ADCYAP1R1: variants seen among roughly 807,000 people sequenced by gnomAD.
ADCYAP1R1 encodes the protein pituitary adenylate cyclase-activating polypeptide type I receptor.
In ADCYAP1R1, 44 loss-of-function variants were observed where a neutral mutation model predicts 67.6. The observed-to-expected ratio is 0.65, with a 90% CI of 0.51 to 0.84. The LOEUF (loss-of-function observed/expected upper bound fraction) is 0.84. ADCYAP1R1 is among the 40% of genes least tolerant of loss of function. The pLI, the probability that ADCYAP1R1 is intolerant of heterozygous loss-of-function variation, is 0.00. For missense variants in ADCYAP1R1, 477 were observed against 587.9 expected (o/e 0.81, Z 1.95); for synonymous variants, 222 against 219.6 (o/e 1.01, Z -0.10).
intron 1 of ADCYAP1R1, among the ~76,000 whole-genome samples, chr7:31,059,848 C>A (rs555220129): frequency 1.3e-5 from 2 of 151,784 alleles, no homozygotes; most frequent in South Asian, 4.2e-4. Context: ...CCCTGAGGTC[C>A]CCAGCGGAGT....
chr7:31,078,937 T>G (rs528999400), intron 4 of ADCYAP1R1, among the ~76,000 whole-genome samples: 20 of 152,248 alleles, frequency 1.3e-4, no homozygotes, highest in African/African-American at 4.6e-4. Flanking sequence ...TTGGGGCATA[T>G]CTGTGTTTGA....
At chr7:31,055,163 G>A (rs1172906128) in intron 1 of ADCYAP1R1, among the ~76,000 whole-genome samples, 1 of 152,182 alleles carries the variant, frequency 6.6e-6, no homozygotes, top group Non-Finnish European at 1.5e-5. Context: ...CTGCCAGAGA[G>A]CTGGGGCACA....
intron 1 of ADCYAP1R1, among the ~76,000 whole-genome samples, chr7:31,061,493 G>A (rs1033942515): frequency 6.6e-6 from 1 of 152,190 alleles, no homozygotes; most frequent in Non-Finnish European, 1.5e-5. Context: ...GGTGCCTCAG[G>A]GTGCCTAGAA....
chr7:31,104,189 C>T (rs1796548524), intron 14 of ADCYAP1R1, among the ~76,000 whole-genome samples: 1 of 152,048 alleles, frequency 6.6e-6, no homozygotes, highest in Non-Finnish European at 1.5e-5. Context: ...GAGTGAGAGC[C>T]CAGGGCTCTT....
chr7:31,094,042 G>A (rs1280472214), intron 13 of ADCYAP1R1, among the ~76,000 whole-genome samples: 1 of 152,124 alleles, frequency 6.6e-6, no homozygotes, highest in African/African-American at 2.4e-5. Context: ...CTTCCTCAGG[G>A]GTGGGGGACT....
chr7:31,062,378 G>A (rs955480725), intron 1 of ADCYAP1R1, among the ~76,000 whole-genome samples: 14 of 152,202 alleles, frequency 9.2e-5, no homozygotes, highest in African/African-American at 3.1e-4. Flanking sequence ...CGTGTTTTCC[G>A]TGTCATGGTT....
intron 5 of ADCYAP1R1, among the ~76,000 whole-genome samples, chr7:31,080,943 A>G (rs1326760980): frequency 1.3e-5 from 2 of 152,200 alleles, no homozygotes; most frequent in Admixed American, 6.5e-5. Flanking sequence ...AGCTGCATAT[A>G]TGTGCATATG....
intron 2 of ADCYAP1R1, 48 bp from the exon 3 acceptor site, chr7:31,064,783 G>A: frequency 6.7e-7 from 1 of 1,484,598 alleles, no homozygotes; most frequent in Non-Finnish European, 9.3e-7. Context: ...AGAGCTTACA[G>A]ATGGGCCTCC....
chr7:31,092,784 G>A, intron 13 of ADCYAP1R1, 49 bp downstream of exon 13: 1 of 1,452,312 alleles, frequency 6.9e-7, no homozygotes, highest in Non-Finnish European at 9.6e-7. Flanking sequence ...AGCCGAGCGG[G>A]CCCTGCATTC....
intron 3 of ADCYAP1R1, among the ~76,000 whole-genome samples, chr7:31,071,880 A>G (rs1253821666): frequency 6.6e-6 from 1 of 152,036 alleles, no homozygotes; most frequent in East Asian, 1.9e-4. Flanking sequence ...CATACCCCAG[A>G]CTAAGCTCTT....
chr7:31,073,915 T>A (rs149203226), intron 3 of ADCYAP1R1, among the ~76,000 whole-genome samples: 1 of 152,276 alleles, frequency 6.6e-6, no homozygotes, highest in East Asian at 1.9e-4. Flanking sequence ...TTTAGGACTC[T>A]AGAGGGGGCT....
chr7:31,078,519 C>T (rs773032063), intron 4 of ADCYAP1R1, among the ~76,000 whole-genome samples: 3 of 152,226 alleles, frequency 2.0e-5, no homozygotes, highest in Non-Finnish European at 4.4e-5. Context: ...TGTCACCATC[C>T]TCCCACAGCC....
intron 3 of ADCYAP1R1, among the ~76,000 whole-genome samples, chr7:31,068,215 G>GCACACACACACACACA (rs1554300587): frequency 6.7e-6 from 1 of 149,902 alleles, no homozygotes; most frequent in African/African-American, 2.4e-5. Context: ...ATGTGCGCGC[G>GCACACACACACACACA]CACACACACA....
At chr7:31,072,049 G>A (rs1227621069) in intron 3 of ADCYAP1R1, among the ~76,000 whole-genome samples, 4 of 124,586 alleles carry the variant, frequency 3.2e-5, no homozygotes, top group East Asian at 2.6e-4. Context: ...TCATCCAGAC[G>A]CTGAAGCCAG....
chr7:31,062,141 A>G (rs953877178), intron 1 of ADCYAP1R1, among the ~76,000 whole-genome samples: 3 of 152,180 alleles, frequency 2.0e-5, no homozygotes, highest in Non-Finnish European at 2.9e-5. Flanking sequence ...CCAATTGCAA[A>G]TATTTATCAG....
At chr7:31,084,954 TC>T in intron 8 of ADCYAP1R1, 120 bp downstream of exon 8, 1 of 974,410 alleles carries the variant, frequency 1.0e-6, no homozygotes, top group Admixed American at 1.9e-5. Flanking sequence ...AAGGCATTTC[TC>T]CCACCCCAAG....
intron 6 of ADCYAP1R1, among the ~76,000 whole-genome samples, chr7:31,083,343 G>A (rs1795592749): frequency 6.6e-6 from 1 of 152,174 alleles, no homozygotes; most frequent in Non-Finnish European, 1.5e-5. Flanking sequence ...GCCCTGGGCA[G>A]GGCAAAAACC....
chr7:31,080,610 CAG>C lies in ADCYAP1R1; in HGVS notation c.266-2_266-1del. 1 of 1,613,568 alleles carries C rather than the reference CAG, an allele frequency of 6.2e-7. No individual in the cohort carries two copies. ...TCTCTCTCTCTCTTTCTCTCTGTTT[CAG>C]TCTGGGAGACCGAAACCATTGGTAA... On this transcript the variant is annotated splice_acceptor_variant, in intron 4 of 15. Coordinates refer to ENST00000304166, the MANE Select transcript of ADCYAP1R1 (RefSeq NM_001118.5). LOFTEE classifies it high-confidence loss of function.
At chr7:31,071,993 A>G (rs572272714) in intron 3 of ADCYAP1R1, among the ~76,000 whole-genome samples, 1,414 of 131,228 alleles carry the variant, frequency 0.011, 34 homozygotes, top group African/African-American at 0.039. Context: ...CCATCCATCC[A>G]TCCATCCAGC....
Sources: allele counts gnomAD v4.1 joint callset (sites outside exome capture counted in the v4.1 genomes callset), GRCh38; gene constraint gnomAD v4.1.1; transcripts MANE v1.5; gene names NCBI Gene and HGNC (gene_info 2026-07-23, HGNC 2026-07-21).